The following PCDHGB1 variants were observed in gnomAD, a reference collection of about 807,000 sequenced individuals.
PCDHGB1 encodes protocadherin gamma-B1.
PCDHGB1 carries 34 observed loss-of-function variants against 56.6 expected under a neutral mutation model. The ratio of observed to expected loss-of-function variants is 0.60; its 90% CI spans 0.46 to 0.80. The LOEUF is 0.80. PCDHGB1 is among the 30% of genes least tolerant of loss of function. The pLI is 0.00. For missense variants in PCDHGB1, 1,278 were observed against 1,204.6 expected (o/e 1.06, Z -0.90); for synonymous variants, 561 against 505.9 (o/e 1.11, Z -1.46).
intron 1 of PCDHGB1, chr5:141,360,602 C>G: frequency 1.2e-6 from 2 of 1,613,964 alleles, no homozygotes; most frequent in Non-Finnish European, 1.7e-6. Flanking sequence ...CCACTTGACC[C>G]AGCCCTGGAT....
In PCDHGB1 at chr5:141,476,857, C is replaced by G. The variant is rs201408987; in HGVS notation, c.2410-17950C>G. The G allele has an allele frequency of 3.1e-6, 5 of 1,613,886 alleles. No individual in the cohort carries two copies. Among genetic ancestry groups the G allele is most frequent in the Non-Finnish European group, 4.2e-6 (5 of 1,180,046 alleles). On this transcript the variant is annotated intron_variant, in intron 1 of 3. Coordinates refer to ENST00000523390, the MANE Select transcript of PCDHGB1 (RefSeq NM_018922.3). This position sits in a 1 kb window ranked among gnomAD's most constrained non-coding sequence, Gnocchi z 7.6. Reference sequence around the variant, plus strand: ...ACAATGCGCCTGTCTTCAACCAGTCCTTGTACCGGGCGCGCGTCCTGGAGG... The same window carrying G: ...ACAATGCGCCTGTCTTCAACCAGTCGTTGTACCGGGCGCGCGTCCTGGAGG...
chr5:141,399,143 A>G (rs750976328), intron 1 of PCDHGB1: 12 of 1,613,780 alleles, frequency 7.4e-6, no homozygotes, highest in Admixed American at 3.3e-5. Context: ...GAAAATGACA[A>G]TAGCCCAGAA....
At chr5:141,504,288 GT>G (rs1175142876) in intron 2 of PCDHGB1, among the ~76,000 whole-genome samples, 1 of 152,124 alleles carries the variant, frequency 6.6e-6, no homozygotes, top group Non-Finnish European at 1.5e-5. Flanking sequence ...ATCATTTCAT[GT>G]TTTTTCAACA....
chr5:141,477,475 C>A lies in PCDHGB1; in HGVS notation c.2410-17332C>A. ...TTCAAGTGTCCGACATCAATGACAA[C>A]CCTCCACAATCTTCTCAATCTTCCT... On this transcript the variant is annotated intron_variant, in intron 1 of 3. Coordinates refer to ENST00000523390, the MANE Select transcript of PCDHGB1 (RefSeq NM_018922.3). The surrounding 1 kb of genome is among the most constrained non-coding windows in gnomAD (Gnocchi z 4.9). The A allele has an allele frequency of 3.1e-6, 5 of 1,614,124 alleles. No homozygotes were observed. The highest frequency in any genetic ancestry group is 4.2e-6 in the Non-Finnish European group (5 of 1,180,030).
At chr5:141,463,682 G>A (rs62379195) in intron 1 of PCDHGB1, among the ~76,000 whole-genome samples, 7,165 of 151,926 alleles carry the variant, frequency 0.047, 241 homozygotes, top group Middle Eastern at 0.095. Context: ...GGATGACCTC[G>A]TGATCTGCTC....
chr5:141,415,494 C>T lies in PCDHGB1; in HGVS notation c.2409+62825C>T, dbSNP rs377609539. 2.5e-6 allele frequency: 4 copies of T among 1,614,110 alleles called. No homozygotes were observed. The African/African-American group carries it at 4.0e-5, about 16-fold the overall frequency. ...CGGACTCGCGAAAGAGTCACCTGAT[C>T]TTCCCCCAGCCCAATTATGCGGACA... On this transcript the variant is annotated intron_variant, in intron 1 of 3. Transcript: ENST00000523390.
At chr5:141,382,679 C>G in intron 1 of PCDHGB1, 1 of 439,974 alleles carries the variant, frequency 2.3e-6, no homozygotes, top group South Asian at 6.8e-5. Flanking sequence ...GTTCACCAAC[C>G]AGGGAAAAAT....
intron 1 of PCDHGB1, chr5:141,395,188 T>C (rs1188356077): frequency 6.2e-7 from 1 of 1,614,128 alleles, no homozygotes; most frequent in East Asian, 2.2e-5. Flanking sequence ...GATTCTTTGT[T>C]AACATCCGTA....
intron 2 of PCDHGB1, among the ~76,000 whole-genome samples, chr5:141,500,212 ATT>A (rs1336187706): frequency 5.4e-5 from 8 of 148,798 alleles, no homozygotes; most frequent in African/African-American, 2.0e-4. Context: ...TTATTTATTT[ATT>A]TATTTATTTA....
intron 1 of PCDHGB1, chr5:141,376,676 G>GGTTTTTTTTT (rs1773026765): frequency 3.6e-6 from 1 of 275,812 alleles, no homozygotes; most frequent in Middle Eastern, 1.2e-3. Context: ...TGAGGGTATC[G>GGTTTTTTTTT]TTTTTTTTTT....
At chr5:141,376,311 T>G in intron 1 of PCDHGB1, 1 of 1,613,882 alleles carries the variant, frequency 6.2e-7, no homozygotes, top group Non-Finnish European at 8.5e-7. Context: ...TTTGTGGGCG[T>G]GGAAGGGGTT....
chr5:141,511,489 A>G lies in PCDHGB1; in HGVS notation c.*316A>G. 2.3e-6 allele frequency: 1 copy of G among 435,688 alleles called. No individual in the cohort carries two copies. Among genetic ancestry groups the G allele is most frequent in the Non-Finnish European group, 4.2e-6 (1 of 239,908 alleles). The allele number at this position is 435,688 out of a possible 1,614,324, so 27.0% of individuals were successfully genotyped here. ...CGTTTAGTTACAGCTGAACTCCTCC[A>G]TCTTCCAAATCAATCAGGCCCATCC... On this transcript the variant is annotated 3_prime_UTR_variant, in exon 4 of 4. Coordinates refer to ENST00000523390, the MANE Select transcript of PCDHGB1 (RefSeq NM_018922.3).
intron 1 of PCDHGB1, chr5:141,362,353 C>T (rs1561526575): frequency 3.1e-6 from 5 of 1,613,956 alleles, no homozygotes; most frequent in South Asian, 1.1e-5. Context: ...ACCTGGGGTT[C>T]TCCCCAATTA....
In PCDHGB1 at chr5:141,418,449, A is replaced by G. The variant is rs781224972; in HGVS notation, c.2409+65780A>G. ...GGCAAATATCCAGAATTAGTATTGC[A>G]GAAGACTCTGGACCGAGAAACGCAG... On this transcript the variant is annotated intron_variant, in intron 1 of 3. Coordinates refer to ENST00000523390, the MANE Select transcript of PCDHGB1 (RefSeq NM_018922.3). 8.1e-6 allele frequency: 13 copies of G among 1,613,922 alleles called. No homozygotes were observed. The Admixed American group carries it at 1.2e-4, about 14-fold the overall frequency.
intron 1 of PCDHGB1, chr5:141,423,748 T>TG: frequency 7.2e-6 from 2 of 278,014 alleles, no homozygotes; most frequent in Admixed American, 4.2e-4. Flanking sequence ...ATGAAAACTG[T>TG]TTGGGGGGGG....
At chr5:141,364,366 G>T (rs755664508) in intron 1 of PCDHGB1, 1 of 1,563,758 alleles carries the variant, frequency 6.4e-7, no homozygotes, top group Non-Finnish European at 8.6e-7. Flanking sequence ...GCTGCGGAGA[G>T]CTGCTGCTGC....
chr5:141,444,897 G>T (rs1445334623), intron 1 of PCDHGB1, among the ~76,000 whole-genome samples: 1 of 152,274 alleles, frequency 6.6e-6, no homozygotes, highest in African/African-American at 2.4e-5. Flanking sequence ...GAATGGGATG[G>T]CATTGCATCT....
intron 1 of PCDHGB1, chr5:141,394,974 A>T: frequency 6.2e-7 from 1 of 1,613,852 alleles, no homozygotes; most frequent in Non-Finnish European, 8.5e-7. Context: ...GCGCTGGCAC[A>T]AGTCACGCCT....
In PCDHGB1 at chr5:141,351,289, G is replaced by A. The variant is rs1197454065; in HGVS notation, c.1029G>A (p.Val343=). 5 of 1,613,794 alleles carry A rather than the reference G, an allele frequency of 3.1e-6. No individual in the cohort carries two copies. The African/African-American group carries it at 4.0e-5, about 13-fold the overall frequency. The stretch of plus-strand genomic sequence containing the variant: ...ACGAGAATGACAATGCCCCAGAGGT[G>A]ACATTCATGTCCTTCTCTAACCAGA... ...IVDENDNAPE[V]TFMSFSNQIP... The change falls in exon 1 of 4, where the codon GTG becomes GTA. Residue 343 remains valine (V), a synonymous_variant. Coordinates refer to ENST00000523390, the MANE Select transcript of PCDHGB1 (RefSeq NM_018922.3).
Sources: allele counts gnomAD v4.1 joint callset (sites outside exome capture counted in the v4.1 genomes callset), GRCh38; gene constraint gnomAD v4.1.1; non-coding constraint Gnocchi (gnomAD v3.1); transcripts MANE v1.5; gene names NCBI Gene and HGNC (gene_info 2026-07-23, HGNC 2026-07-21).